FAM13A: variants seen among roughly 807,000 people sequenced by gnomAD.
The protein encoded by FAM13A is protein FAM13A.
A neutral mutation model predicts 129.6 loss-of-function variants in FAM13A; 76 were observed. That is an observed-to-expected ratio of 0.59 (90% CI 0.49 to 0.71). FAM13A has a LOEUF of 0.71. FAM13A is among the 30% of genes least tolerant of loss of function. The probability of loss-of-function intolerance (pLI) is 0.00; values close to 1 mark genes in which losing one functional copy is unlikely to be tolerated. For synonymous variants in FAM13A, 443 were observed against 449.9 expected (o/e 0.98, Z 0.20); for missense variants, 1,108 against 1,249.3 (o/e 0.89, Z 1.70).
chr4:88,773,813 T>G (rs755690609), intron 11 of FAM13A, among the ~76,000 whole-genome samples: 4 of 152,220 alleles, frequency 2.6e-5, no homozygotes, highest in Non-Finnish European at 4.4e-5. Flanking sequence ...TCAATTATTT[T>G]ACTTTAGTCC....
At chr4:88,819,061 A>G (rs1208553592) in intron 7 of FAM13A, among the ~76,000 whole-genome samples, 1 of 152,242 alleles carries the variant, frequency 6.6e-6, no homozygotes, top group African/African-American at 2.4e-5. Context: ...CATGTTTATT[A>G]ATCGTCTTTA....
chr4:88,852,350 T>A (rs1274317245), intron 6 of FAM13A, among the ~76,000 whole-genome samples: 1 of 151,996 alleles, frequency 6.6e-6, no homozygotes, highest in Non-Finnish European at 1.5e-5. Flanking sequence ...TTTGTAGGGA[T>A]GTGGTTTCAC....
At chr4:88,932,173 T>G (rs1753134008) in intron 5 of FAM13A, among the ~76,000 whole-genome samples, 1 of 152,172 alleles carries the variant, frequency 6.6e-6, no homozygotes, top group Non-Finnish European at 1.5e-5. Flanking sequence ...ATCTCTAAGA[T>G]TTTGGTTATT....
At chr4:88,750,048 T>C in intron 15 of FAM13A, 139 bp from the exon 16 acceptor site, 2 of 778,542 alleles carry the variant, frequency 2.6e-6, no homozygotes, top group Non-Finnish European at 4.1e-6. Context: ...TCTCTCCTCT[T>C]GAATAAAAGA....
At chr4:88,912,452 T>C (rs192302019) in intron 5 of FAM13A, among the ~76,000 whole-genome samples, 47 of 152,218 alleles carry the variant, frequency 3.1e-4, no homozygotes, top group Admixed American at 1.9e-3. Flanking sequence ...TGAGCCATGC[T>C]ACCAGCTTCC....
intron 4 of FAM13A, among the ~76,000 whole-genome samples, chr4:88,976,685 A>G (rs902177706): frequency 4.3e-5 from 2 of 46,752 alleles, no homozygotes; most frequent in Admixed American, 3.8e-4. Flanking sequence ...AGTGTACAGG[A>G]ATGTCCCAGG....
intron 4 of FAM13A, among the ~76,000 whole-genome samples, chr4:88,974,516 C>T (rs912976527): frequency 6.6e-6 from 1 of 151,966 alleles, no homozygotes; most frequent in Non-Finnish European, 1.5e-5. Context: ...CTCGCTCTGT[C>T]GCCCAGGCTG....
chr4:89,019,881 A>G (rs1470328911), intron 3 of FAM13A, among the ~76,000 whole-genome samples: 2 of 152,086 alleles, frequency 1.3e-5, no homozygotes, highest in Non-Finnish European at 2.9e-5. Flanking sequence ...CTTGCTTAGG[A>G]GAAAAAGCAA....
intron 5 of FAM13A, among the ~76,000 whole-genome samples, chr4:88,925,617 A>G (rs988144511): frequency 1.3e-5 from 2 of 151,810 alleles, no homozygotes; most frequent in Non-Finnish European, 2.9e-5. Context: ...TGGGTGCAGC[A>G]CACCAGCATG....
intron 7 of FAM13A, among the ~76,000 whole-genome samples, chr4:88,832,290 G>A (rs1233823205): frequency 1.3e-5 from 2 of 152,118 alleles, no homozygotes; most frequent in African/African-American, 4.8e-5. Flanking sequence ...ATCCCTAGAA[G>A]AAAATCTTGG....
chr4:88,907,664 A>G (rs893024368), intron 5 of FAM13A, among the ~76,000 whole-genome samples: 8 of 152,190 alleles, frequency 5.3e-5, no homozygotes, highest in African/African-American at 1.9e-4. Context: ...AGGCTAACAC[A>G]ATGCAGGCTT....
intron 4 of FAM13A, among the ~76,000 whole-genome samples, chr4:88,941,862 T>C (rs1004343645): frequency 3.9e-5 from 6 of 152,240 alleles, no homozygotes; most frequent in South Asian, 2.1e-4. Flanking sequence ...TGAAGAGTCA[T>C]TGGCAAAAAA....
intron 6 of FAM13A, among the ~76,000 whole-genome samples, chr4:88,862,209 G>A (rs1430979581): frequency 6.6e-6 from 1 of 152,138 alleles, no homozygotes; most frequent in Non-Finnish European, 1.5e-5. Flanking sequence ...AAACTTACAG[G>A]TGTTAAGTAA....
At chr4:88,765,092 C>G (rs1326646547) in intron 13 of FAM13A, among the ~76,000 whole-genome samples, 1 of 152,194 alleles carries the variant, frequency 6.6e-6, no homozygotes, top group East Asian at 1.9e-4. Flanking sequence ...ACAGTTGTAA[C>G]TTCATTTGCC....
chr4:88,759,287 C>T (rs1185971074), intron 13 of FAM13A: 1 of 163,196 alleles, frequency 6.1e-6, no homozygotes, highest in Non-Finnish European at 1.4e-5. Flanking sequence ...GTAGTAGCAA[C>T]ATGGTGTCTT....
intron 1 of FAM13A, among the ~76,000 whole-genome samples, chr4:89,056,329 A>G (rs968958228): frequency 6.6e-6 from 1 of 152,206 alleles, no homozygotes; most frequent in African/African-American, 2.4e-5. Context: ...CTAAAACTCC[A>G]GAAATATGCA....
At chr4:88,802,046 C>T (rs1000568611) in intron 8 of FAM13A, among the ~76,000 whole-genome samples, 3 of 152,000 alleles carry the variant, frequency 2.0e-5, no homozygotes, top group African/African-American at 7.2e-5. Flanking sequence ...AGAAGAACAC[C>T]ACCACCAAGT....
Position 88,728,441 on chromosome 4 carries a change from C to T in FAM13A, c.*92G>A. On this transcript the variant is annotated 3_prime_UTR_variant, in exon 24 of 24. Coordinates refer to ENST00000264344, the MANE Select transcript of FAM13A (RefSeq NM_014883.4). ...CAGAAGGGCTGCATGCTTTGCAGGG[C>T]CAGCCCCAAGGCTGCCTTCCAGAGC... The T allele has an allele frequency of 1.3e-6, 2 of 1,524,448 alleles. No individual in the cohort carries two copies. Among genetic ancestry groups the T allele is most frequent in the Non-Finnish European group, 9.0e-7 (1 of 1,107,988 alleles). 94.4% of individuals were successfully genotyped at this position (1,524,448 alleles called of 1,614,324 possible). A position where few individuals can be genotyped will look rare whatever the true frequency, so the allele number is the denominator to read the frequency against.
At chr4:88,774,723 C>A in intron 11 of FAM13A, among the ~76,000 whole-genome samples, 1 of 151,742 alleles carries the variant, frequency 6.6e-6, no homozygotes, top group Non-Finnish European at 1.5e-5. Context: ...GTAATGGCAA[C>A]GCAAAAAGGG....
Sources: allele counts gnomAD v4.1 joint callset (sites outside exome capture counted in the v4.1 genomes callset), GRCh38; gene constraint gnomAD v4.1.1; transcripts MANE v1.5; gene names NCBI Gene and HGNC (gene_info 2026-07-23, HGNC 2026-07-21).